The following ERMP1 variants were observed in gnomAD, a reference collection of about 807,000 sequenced individuals.
ERMP1 encodes Felix-ina.
ERMP1 carries 86 observed loss-of-function variants against 92.0 expected under a neutral mutation model. The observed-to-expected ratio is 0.93, with a 90% CI of 0.79 to 1.12. ERMP1 has a LOEUF of 1.12. Among genes scored for constraint, ERMP1 ranks in the 50% most tolerant of loss-of-function variants. ERMP1 has a pLI of 0.00. For missense variants in ERMP1, 1,342 were observed against 1,116.3 expected, an observed-to-expected ratio of 1.20 and a Z score of -2.88; for synonymous variants, 530 against 412.8, an observed-to-expected ratio of 1.28 and a Z score of -3.44.
chr9:5,815,182 A>G (rs1018613441), intron 4 of ERMP1, among the ~76,000 whole-genome samples: 1 of 152,160 alleles, frequency 6.6e-6, no homozygotes, highest in Non-Finnish European at 1.5e-5. Flanking sequence ...AGGTCTACAA[A>G]CCCCAAACAA....
At chr9:5,830,615 A>G (rs944558418) in intron 2 of ERMP1, 112 bp downstream of exon 2, 2 of 731,658 alleles carry the variant, frequency 2.7e-6, no homozygotes, top group Non-Finnish European at 4.5e-6. Context: ...TCACAAAGAA[A>G]AAAGGTTTGC....
intron 5 of ERMP1, among the ~76,000 whole-genome samples, 194 bp from the exon 6 acceptor site, chr9:5,812,411 G>A (rs138292168): frequency 1.3e-5 from 2 of 152,170 alleles, no homozygotes; most frequent in East Asian, 1.9e-4. Context: ...TACATAATTC[G>A]ATACATAATG....
At chr9:5,864,604 G>C (rs1470438094) in intron 5 of ERMP1, among the ~76,000 whole-genome samples, 1 of 152,216 alleles carries the variant, frequency 6.6e-6, no homozygotes, top group Non-Finnish European at 1.5e-5. Flanking sequence ...GCTTTCCTCA[G>C]GGGGTGGTAG....
rs1827938350 is a variant in ERMP1, at chr9:5,786,439, AGAC to A, written c.*702_*704del. On this transcript the variant is annotated 3_prime_UTR_variant, in exon 15 of 15. Coordinates refer to ENST00000339450, the MANE Select transcript of ERMP1 (RefSeq NM_024896.3). Reference sequence around the variant, plus strand: ...ACTTGGTAAGATGGAGAGGGGTAACAGACATGTTTCAGAGGAAAACAGGCATAG... The same window carrying A: ...ACTTGGTAAGATGGAGAGGGGTAACAATGTTTCAGAGGAAAACAGGCATAG... 1 of 152,312 alleles carries A rather than the reference AGAC, an allele frequency of 6.6e-6. No individual in the cohort carries two copies. Among genetic ancestry groups the A allele is most frequent in the Non-Finnish European group, 1.5e-5 (1 of 68,104 alleles). The allele number at this position is 152,312 out of a possible 1,614,324, so 9.4% of individuals were successfully genotyped here. A position where few individuals can be genotyped will look rare whatever the true frequency, so the allele number is the denominator to read the frequency against.
At position 5,804,781 on chromosome 9, in the gene ERMP1, A is replaced by G. The variant is rs114885692; in HGVS notation, c.1914+246T>C. On this transcript the variant is annotated intron_variant, in intron 10 of 14. Coordinates refer to ENST00000339450, the MANE Select transcript of ERMP1 (RefSeq NM_024896.3). ...CTCAGGTATCTGACAGGCTATTTGA[A>G]AAGAGGTAAATCAGAGAATTTGGAA... 3.4e-3 allele frequency among the ~76,000 whole-genome samples: 520 copies of G among 152,188 alleles called. 3 individuals are homozygous for G. The highest frequency in any genetic ancestry group is 0.012 in the African/African-American group (507 of 41,504).
chr9:5,828,289 C>A (rs529077573), intron 2 of ERMP1, among the ~76,000 whole-genome samples: 1 of 152,142 alleles, frequency 6.6e-6, no homozygotes, highest in Non-Finnish European at 1.5e-5. Flanking sequence ...CTTTGACATA[C>A]GGATTATTTT....
At position 5,810,236 on chromosome 9, in the gene ERMP1, T is replaced by C. The variant is rs1829039262; in HGVS notation, c.1328-5A>G. 9.3e-6 allele frequency: 15 copies of C among 1,610,526 alleles called. No homozygotes were observed. The highest frequency in any genetic ancestry group is 1.2e-5 in the Non-Finnish European group (14 of 1,177,652). On this transcript the variant is annotated splice_region_variant and splice_polypyrimidine_tract_variant and intron_variant, in intron 7 of 14. Coordinates refer to ENST00000339450, the MANE Select transcript of ERMP1 (RefSeq NM_024896.3). The stretch of plus-strand genomic sequence containing the variant: ...AGTCCTTCTTGTAGTTACCAGCTAA[T>C]GAAGAGAAAACAAAAAGTTGAAATC...
chr9:5,795,473 C>A (rs1563748518), intron 13 of ERMP1, among the ~76,000 whole-genome samples: 1 of 152,146 alleles, frequency 6.6e-6, no homozygotes, highest in Non-Finnish European at 1.5e-5. Context: ...ATAAGATTGT[C>A]TATTCATAGA....
intron 13 of ERMP1, among the ~76,000 whole-genome samples, chr9:5,790,103 G>C (rs1828115625): frequency 6.6e-6 from 1 of 151,368 alleles, no homozygotes; most frequent in African/African-American, 2.4e-5. Context: ...AAATGGGAGA[G>C]AGAAAGAGGA....
Position 5,805,786 on chromosome 9 carries a change from C to G in ERMP1, c.1549-1G>C. 2 of 1,590,876 alleles carry G rather than the reference C, an allele frequency of 1.3e-6. No individual in the cohort carries two copies. Among genetic ancestry groups the G allele is most frequent in the Non-Finnish European group, 1.7e-6 (2 of 1,171,786 alleles). Reference sequence around the variant, plus strand: ...CTCCCAGATACTGGGCACTGGCATTCTGAAAGAAAGAAAAATATACAAGTA... The same window carrying G: ...CTCCCAGATACTGGGCACTGGCATTGTGAAAGAAAGAAAAATATACAAGTA... On this transcript the variant is annotated splice_acceptor_variant, in intron 8 of 14. Transcript: ENST00000339450. LOFTEE classifies it high-confidence loss of function.
chr9:5,865,369 G>A (rs529270093), intron 5 of ERMP1, among the ~76,000 whole-genome samples: 4 of 152,000 alleles, frequency 2.6e-5, no homozygotes, highest in Non-Finnish European at 5.9e-5. Flanking sequence ...TTAGCTGAGC[G>A]CGGTGGCAGG....
intron 5 of ERMP1, among the ~76,000 whole-genome samples, chr9:5,862,491 C>T (rs150907440): frequency 6.6e-6 from 1 of 152,030 alleles, no homozygotes; most frequent in Non-Finnish European, 1.5e-5. Flanking sequence ...TGCCACCATG[C>T]CCAGCTAATT....
Position 5,813,144 on chromosome 9 carries a change from G to A in ERMP1, c.875-109C>T, listed in dbSNP as rs1430102622. The A allele has an allele frequency of 5.7e-6, 6 of 1,048,520 alleles. No homozygotes were observed. In the Admixed American group the frequency reaches 1.0e-4, roughly 17 times the overall value. 65.0% of individuals were successfully genotyped at this position (1,048,520 alleles called of 1,614,324 possible). A position where few individuals can be genotyped will look rare whatever the true frequency, so the allele number is the denominator to read the frequency against. On this transcript the variant is annotated intron_variant, in intron 4 of 14. Transcript: ENST00000339450. ...GTAAAAGTGGTGGTTTTGGGAGACG[G>A]GTCCAATATGTACCTTTTCATCCCT...
At chr9:5,852,717 T>C (rs1830325542) in intron 6 of ERMP1, among the ~76,000 whole-genome samples, 2 of 152,042 alleles carry the variant, frequency 1.3e-5, no homozygotes, top group South Asian at 4.2e-4. Flanking sequence ...AGGATAGCTA[T>C]CTATTTTTTT....
At chr9:5,812,240 A>C in intron 5 of ERMP1, 23 bp from the exon 6 acceptor site, 1 of 1,405,574 alleles carries the variant, frequency 7.1e-7, no homozygotes, top group Non-Finnish European at 9.7e-7. Flanking sequence ...TATAGAAAAA[A>C]AAAAGTCATT....
At chr9:5,808,891 CCAT>C (rs373429578) in intron 8 of ERMP1, among the ~76,000 whole-genome samples, 1 of 152,228 alleles carries the variant, frequency 6.6e-6, no homozygotes, top group East Asian at 1.9e-4. Flanking sequence ...GCACACACCA[CCAT>C]GCCTGGCTAA....
chr9:5,788,875 G>C (rs540035546), intron 13 of ERMP1, among the ~76,000 whole-genome samples: 58 of 152,080 alleles, frequency 3.8e-4, no homozygotes, highest in Middle Eastern at 3.4e-3. Context: ...GGAGGAAAAA[G>C]GCAAAATTAC....
intron 5 of ERMP1, among the ~76,000 whole-genome samples, chr9:5,866,460 T>G (rs1376487974): frequency 6.6e-6 from 1 of 152,188 alleles, no homozygotes; most frequent in Non-Finnish European, 1.5e-5. Context: ...TGTGCGAGAA[T>G]GCTATTAATA....
At chr9:5,839,879 A>G (rs775844560) in intron 6 of ERMP1, among the ~76,000 whole-genome samples, 1 of 152,214 alleles carries the variant, frequency 6.6e-6, no homozygotes, top group Non-Finnish European at 1.5e-5. Context: ...TGAGAATCAC[A>G]TGAGGACTTG....
Sources: allele counts gnomAD v4.1 joint callset (sites outside exome capture counted in the v4.1 genomes callset), GRCh38; gene constraint gnomAD v4.1.1; transcripts MANE v1.5; gene names NCBI Gene and HGNC (gene_info 2026-07-23, HGNC 2026-07-21).